HTR3E: variants seen among roughly 807,000 people sequenced by gnomAD.
HTR3E encodes the protein 5-hydroxytryptamine (serotonin) receptor 3, family member E.
Under a neutral mutation model 38.0 loss-of-function variants are expected in HTR3E, and 38 were observed. The observed-to-expected ratio is 1.00, with a 90% CI of 0.77 to 1.31. The LOEUF is 1.31. Ranked by LOEUF, HTR3E falls within the 50% of genes most tolerant of loss-of-function variation. HTR3E has a pLI of 0.00. For synonymous variants in HTR3E, 210 were observed against 232.9 expected (o/e 0.90, Z 0.89); for missense variants, 547 against 585.2 (o/e 0.93, Z 0.67).
chr3:184,103,964 C>A (rs1299626577), intron 3 of HTR3E, among the ~76,000 whole-genome samples: 1 of 151,888 alleles, frequency 6.6e-6, no homozygotes, highest in South Asian at 2.1e-4. Flanking sequence ...GAAGAATGGT[C>A]CCAGGCAGGT....
In HTR3E at chr3:184,097,501, A is replaced by C. The variant is rs563391107; in HGVS notation, c.-29A>C. On this transcript the variant is annotated 5_prime_UTR_variant, in exon 1 of 9. The change abolishes an upstream ATG in the 5' untranslated region. Transcript: ENST00000415389. ...TCTGGGCATTCCTGGGTCCCAGTAC[A>C]TGTTCAGAGAAGAACTTAGACAAAG... The C allele has an allele frequency of 6.6e-7, 1 of 1,516,498 alleles. No individual in the cohort carries two copies. The highest frequency in any genetic ancestry group is 1.2e-5 in the South Asian group (1 of 83,630). 93.9% of individuals were successfully genotyped at this position (1,516,498 alleles called of 1,614,324 possible).
chr3:184,106,331 A>C lies in HTR3E; in HGVS notation c.1129A>C (p.Thr377Pro). 1 of 1,610,324 alleles carries C rather than the reference A, an allele frequency of 6.2e-7. No individual in the cohort carries two copies. The highest frequency in any genetic ancestry group is 8.5e-7 in the Non-Finnish European group (1 of 1,178,586). ...AAATAAGGGCCCGGGTCTCACCCCC[A>C]CCCACCTGCCCGGTGAGGGAAGTCA... ...KENKGPGLTP[T>P]HLPGVKEPEV... is the part of the protein sequence containing the mutation. Residue 377 changes from threonine to proline, a missense_variant, in exon 8 of 9, where the codon ACC (threonine) becomes CCC (proline). By Grantham distance (38) the Thr-to-Pro change is conservative. Transcript: ENST00000415389. This position sits in a 1 kb window ranked among gnomAD's most constrained non-coding sequence, Gnocchi z 4.1.
rs964358784 is a variant in HTR3E, at chr3:184,103,267, A to C, written c.280-915A>C. 4.6e-5 allele frequency among the ~76,000 whole-genome samples: 7 copies of C among 152,210 alleles called. No individual in the cohort carries two copies. The East Asian group carries it at 1.2e-3, about 25-fold the overall frequency. On this transcript the variant is annotated intron_variant, in intron 3 of 8. Coordinates refer to ENST00000415389, the MANE Select transcript of HTR3E (RefSeq NM_001256613.2). ...GAGGCCTAGGCAGGTGGATCACTTG[A>C]GGTCAGGAGTTCGAGACCAGCCTGG... is the stretch of plus-strand genomic sequence containing the variant.
chr3:184,105,064 G>T (rs1712340129), intron 5 of HTR3E, 108 bp downstream of exon 5: 3 of 1,218,842 alleles, frequency 2.5e-6, no homozygotes, highest in Admixed American at 5.1e-5. Context: ...AGAAGAATAA[G>T]GCTCTATGGA....
chr3:184,106,085 T>C lies in HTR3E; in HGVS notation c.926-43T>C. The C allele has an allele frequency of 2.0e-6, 3 of 1,503,700 alleles. No individual in the cohort carries two copies. Among genetic ancestry groups the C allele is most frequent in the Non-Finnish European group, 2.8e-6 (3 of 1,084,956 alleles). 93.1% of individuals were successfully genotyped at this position (1,503,700 alleles called of 1,614,324 possible). A position where few individuals can be genotyped will look rare whatever the true frequency, so the allele number is the denominator to read the frequency against. ...GGTGGGATTGGAAGAGAAGAAATTC[T>C]AGGTGGTGCCTCTGGCCCTCACTAG... On this transcript the variant is annotated intron_variant, in intron 7 of 8. Transcript: ENST00000415389. The surrounding 1 kb of genome is among the most constrained non-coding windows in gnomAD (Gnocchi z 4.1).
Position 184,106,586 on chromosome 3 carries a change from G to A in HTR3E, c.1264G>A (p.Glu422Lys). ...EHEAQKQHSV[E>K]LWLQFSHAMD... ...CGAGGCCCAGAAGCAGCACTCAGTG[G>A]AGCTGTGGTTGCAGTTCAGCCACGC... Residue 422 changes from glutamate to lysine, a missense_variant, in exon 9 of 9, where the codon GAG becomes AAG. Physicochemically the swap from Glu to Lys is moderately conservative, Grantham distance 56. Coordinates refer to ENST00000415389, the MANE Select transcript of HTR3E (RefSeq NM_001256613.2). The surrounding 1 kb of genome is among the most constrained non-coding windows in gnomAD (Gnocchi z 4.1). 1.9e-6 allele frequency: 3 copies of A among 1,614,208 alleles called. No individual in the cohort carries two copies. Among genetic ancestry groups the A allele is most frequent in the African/African-American group, 1.3e-5 (1 of 75,046 alleles).
chr3:184,101,946 C>T (rs1481633436), intron 3 of HTR3E, among the ~76,000 whole-genome samples: 3 of 152,218 alleles, frequency 2.0e-5, no homozygotes, highest in Non-Finnish European at 4.4e-5. Context: ...GCCGAGATTG[C>T]GCCACTGCGC....
chr3:184,101,428 G>A (rs1380545072), intron 2 of HTR3E, 57 bp from the exon 3 acceptor site: 2 of 1,410,794 alleles, frequency 1.4e-6, no homozygotes, highest in Non-Finnish European at 1.0e-6. Context: ...GGAAGTGGGG[G>A]AGATGGAACA....
Position 184,105,314 on chromosome 3 carries a change from G to C in HTR3E, c.607G>C (p.Asp203His), listed in dbSNP as rs2108994552. 6.2e-7 allele frequency: 1 copy of C among 1,614,148 alleles called. No homozygotes were observed. The highest frequency in any genetic ancestry group is 2.2e-5 in the East Asian group (1 of 44,886). The part of the protein sequence containing the change: ...DMEKEVWEIT[D>H]ASRNILQTHG... The stretch of plus-strand genomic sequence containing the variant: ...GGAGAAAGAAGTGTGGGAAATAACA[G>C]ACGCATCCCGGAACATCCTTCAGAC... The change falls in exon 6 of 9, where the codon GAC becomes CAC. Residue 203 changes from aspartate to histidine, a missense_variant. Coordinates refer to ENST00000415389, the MANE Select transcript of HTR3E (RefSeq NM_001256613.2).
chr3:184,106,761 C>T lies in HTR3E; in HGVS notation c.*68C>T. On this transcript the variant is annotated 3_prime_UTR_variant, in exon 9 of 9. Transcript: ENST00000415389. The surrounding 1 kb of genome is among the most constrained non-coding windows in gnomAD (Gnocchi z 4.1). ...CTCCAGGGACTGGCCAGGTCTCCCCCCTTTCCTGAGTACCAACTATCATAT... is the reference window on the plus strand; with the variant it reads ...CTCCAGGGACTGGCCAGGTCTCCCCTCTTTCCTGAGTACCAACTATCATAT... 2.6e-6 allele frequency: 4 copies of T among 1,511,536 alleles called. No homozygotes were observed. The highest frequency in any genetic ancestry group is 1.7e-4 in the Middle Eastern group (1 of 5,742). 93.6% of individuals were successfully genotyped at this position (1,511,536 alleles called of 1,614,324 possible).
In HTR3E at chr3:184,105,120, C is replaced by T. The variant is rs1385750231; in HGVS notation, c.560-147C>T. The T allele has an allele frequency of 6.9e-6, 8 of 1,154,968 alleles. No individual in the cohort carries two copies. The African/African-American group carries it at 1.2e-4, about 18-fold the overall frequency. The allele number at this position is 1,154,968 out of a possible 1,614,324, so 71.5% of individuals were successfully genotyped here. A position where few individuals can be genotyped will look rare whatever the true frequency, so the allele number is the denominator to read the frequency against. On this transcript the variant is annotated intron_variant, in intron 5 of 8. Coordinates refer to ENST00000415389, the MANE Select transcript of HTR3E (RefSeq NM_001256613.2). Reference sequence around the variant, plus strand: ...AGGCAGAACCCAAGTCTGTCTTGTTCCTTACCATCCCAAGCTCCTGGCAAG... The same window carrying T: ...AGGCAGAACCCAAGTCTGTCTTGTTTCTTACCATCCCAAGCTCCTGGCAAG...
chr3:184,101,216 C>A (rs1312664929), intron 2 of HTR3E, among the ~76,000 whole-genome samples: 3 of 152,172 alleles, frequency 2.0e-5, no homozygotes, highest in South Asian at 2.1e-4. Flanking sequence ...GCATTACAGG[C>A]ATGAGCCACC....
intron 3 of HTR3E, among the ~76,000 whole-genome samples, chr3:184,102,568 C>T (rs1226216440): frequency 6.7e-6 from 1 of 150,286 alleles, no homozygotes; most frequent in African/African-American, 2.5e-5. Context: ...CAATATGGCA[C>T]ATGTATACAT....
intron 2 of HTR3E, among the ~76,000 whole-genome samples, chr3:184,101,070 A>G (rs553610576): frequency 2.8e-4 from 42 of 152,106 alleles, no homozygotes; most frequent in African/African-American, 9.6e-4. Context: ...CAGCCTCCCA[A>G]GTAGCTGGGA....
At chr3:184,098,070 T>C (rs1711759060) in intron 1 of HTR3E, among the ~76,000 whole-genome samples, 2 of 152,186 alleles carry the variant, frequency 1.3e-5, no homozygotes, top group Non-Finnish European at 2.9e-5. Context: ...TTAGCCATAA[T>C]TTCCCTGTCC....
chr3:184,106,831 C>T lies in HTR3E; in HGVS notation c.*138C>T, dbSNP rs55646809. On this transcript the variant is annotated 3_prime_UTR_variant, in exon 9 of 9. Transcript: ENST00000415389. The surrounding 1 kb of genome is among the most constrained non-coding windows in gnomAD (Gnocchi z 4.1). Reference sequence around the variant, plus strand: ...TCTGCTGTATTCCATGTATCCCAATCCGGTCCTGCTGATCAATTCCAATCC... The same window carrying T: ...TCTGCTGTATTCCATGTATCCCAATTCGGTCCTGCTGATCAATTCCAATCC... 3.7e-3 allele frequency: 3,273 copies of T among 875,416 alleles called. 6 individuals carry two copies. Among genetic ancestry groups the T allele is most frequent in the Non-Finnish European group, 5.0e-3 (2,836 of 567,722 alleles). 54.2% of individuals were successfully genotyped at this position (875,416 alleles called of 1,614,324 possible). A position where few individuals can be genotyped will look rare whatever the true frequency, so the allele number is the denominator to read the frequency against.
At position 184,106,151 on chromosome 3, in the gene HTR3E, T is replaced by C; in HGVS notation, c.949T>C (p.Ser317Pro). 1 of 1,613,064 alleles carries C rather than the reference T, an allele frequency of 6.2e-7. No homozygotes were observed. The highest frequency in any genetic ancestry group is 8.5e-7 in the Non-Finnish European group (1 of 1,179,996). ...LIGVYFALCL[S>P]LMVGSLLETI... ...AGGTGTCTACTTCGCCCTGTGCCTG[T>C]CCCTGATGGTGGGCAGCCTGCTGGA... The change falls in exon 8 of 9, where the codon TCC becomes CCC. Residue 317 changes from serine (S) to proline (P), a missense_variant. By Grantham distance (74) the Ser-to-Pro change is moderately conservative (BLOSUM62 -1). Transcript: ENST00000415389. This position sits in a 1 kb window ranked among gnomAD's most constrained non-coding sequence, Gnocchi z 4.1.
At position 184,106,492 on chromosome 3, in the gene HTR3E, G is replaced by A. The variant is rs752723416; in HGVS notation, c.1170G>A (p.Gly390=). The A allele has an allele frequency of 9.7e-5, 155 of 1,605,044 alleles. No homozygotes were observed. Among genetic ancestry groups the A allele is most frequent in the Non-Finnish European group, 1.3e-4 (153 of 1,175,450 alleles). The change falls in exon 9 of 9, where the codon GGG becomes GGA. Residue 390 remains glycine, a synonymous_variant. Coordinates refer to ENST00000415389, the MANE Select transcript of HTR3E (RefSeq NM_001256613.2). The surrounding 1 kb of genome is among the most constrained non-coding windows in gnomAD (Gnocchi z 4.1). ...PGVKEPEVSA[G]QMPGPAEAEL... Reference sequence around the variant, plus strand: ...TGAAGGAGCCAGAGGTATCAGCAGGGCAGATGCCGGGCCCTGCGGAGGCAG... The same window carrying A: ...TGAAGGAGCCAGAGGTATCAGCAGGACAGATGCCGGGCCCTGCGGAGGCAG...
At chr3:184,099,737 AAAAG>A (rs1711890897) in intron 1 of HTR3E, among the ~76,000 whole-genome samples, 3 of 148,458 alleles carry the variant, frequency 2.0e-5, no homozygotes, top group Non-Finnish European at 4.4e-5. Context: ...AAAAAAAAAA[AAAAG>A]AAAGAAATAT....
Sources: gnomAD v4.1 joint callset for allele counts (sites outside exome capture counted in the v4.1 genomes callset) on GRCh38, gnomAD v4.1.1 for gene constraint, Gnocchi (gnomAD v3.1) non-coding constraint, MANE v1.5 for transcripts, NCBI Gene and HGNC (gene_info 2026-07-23, HGNC 2026-07-21) for gene names.